Variants in DTWD2 observed in about 807,000 individuals in gnomAD.
The protein encoded by DTWD2 is tRNA-uridine aminocarboxypropyltransferase 2.
In DTWD2, 39 loss-of-function variants were observed where a neutral mutation model predicts 31.8. The observed-to-expected ratio is 1.22, with a 90% CI of 0.95 to 1.60. The LOEUF (loss-of-function observed/expected upper bound fraction) is 1.60. Ranked by LOEUF, DTWD2 falls within the 40% of genes most tolerant of loss-of-function variation. The probability of loss-of-function intolerance (pLI) is 0.00; values close to 1 mark genes in which losing one functional copy is unlikely to be tolerated. For synonymous variants in DTWD2, 180 were observed against 142.8 expected, an observed-to-expected ratio of 1.26 and a Z score of -1.86; for missense variants, 515 against 381.5, an observed-to-expected ratio of 1.35 and a Z score of -2.92.
intron 1 of DTWD2, chr5:118,974,056 G>A (rs1378024589): frequency 1.2e-6 from 2 of 1,606,444 alleles, no homozygotes; most frequent in Non-Finnish European, 1.7e-6. Flanking sequence ...CTACGGGCAA[G>A]CGGGCAGCTG....
chr5:118,840,266 G>GA lies in DTWD2; in HGVS notation c.*650dup, dbSNP rs1751679791. On this transcript the variant is annotated 3_prime_UTR_variant, in exon 6 of 6. Coordinates refer to ENST00000510708, the MANE Select transcript of DTWD2 (RefSeq NM_173666.4). ...TCAATAAGCCTGTTCAATGAACACTGAAAAATACAAATTTATCCAGAGTGA... is the reference window on the plus strand; with the variant it reads ...TCAATAAGCCTGTTCAATGAACACTGAAAAAATACAAATTTATCCAGAGTGA... 1 of 152,102 alleles carries GA rather than the reference G, an allele frequency of 6.6e-6. No homozygotes were observed. The highest frequency in any genetic ancestry group is 1.5e-5 in the Non-Finnish European group (1 of 68,000). The allele number at this position is 152,102 out of a possible 1,614,324, so 9.4% of individuals were successfully genotyped here.
At chr5:118,866,946 C>G (rs1204035554) in intron 4 of DTWD2, among the ~76,000 whole-genome samples, 1 of 151,296 alleles carries the variant, frequency 6.6e-6, no homozygotes, top group Non-Finnish European at 1.5e-5. Flanking sequence ...AAAAAATAAA[C>G]TACAAATTCA....
At chr5:118,857,728 T>C (rs1752170912) in intron 4 of DTWD2, among the ~76,000 whole-genome samples, 2 of 152,296 alleles carry the variant, frequency 1.3e-5, no homozygotes, top group East Asian at 1.9e-4. Context: ...AAACAGTAAC[T>C]AGCAGATACA....
intron 4 of DTWD2, among the ~76,000 whole-genome samples, chr5:118,872,269 C>A (rs1215452056): frequency 6.6e-6 from 1 of 152,232 alleles, no homozygotes; most frequent in South Asian, 2.1e-4. Flanking sequence ...TATGTGTTCA[C>A]TGGAGTAACA....
intron 4 of DTWD2, among the ~76,000 whole-genome samples, chr5:118,872,269 C>T (rs1215452056): frequency 6.6e-6 from 1 of 152,232 alleles, no homozygotes; most frequent in Non-Finnish European, 1.5e-5. Context: ...TATGTGTTCA[C>T]TGGAGTAACA....
intron 1 of DTWD2, among the ~76,000 whole-genome samples, chr5:118,976,153 A>G (rs187408476): frequency 6.6e-6 from 1 of 152,346 alleles, no homozygotes; most frequent in Admixed American, 6.5e-5. Flanking sequence ...GAGAACAAAG[A>G]CACAACGTAC....
At chr5:118,857,689 T>C (rs139699637) in intron 4 of DTWD2, among the ~76,000 whole-genome samples, 2 of 152,190 alleles carry the variant, frequency 1.3e-5, no homozygotes, top group Non-Finnish European at 2.9e-5. Context: ...TAAGGAATCT[T>C]AAACACCAAA....
intron 4 of DTWD2, among the ~76,000 whole-genome samples, chr5:118,918,518 C>T (rs1297464919): frequency 1.3e-5 from 2 of 151,590 alleles, no homozygotes; most frequent in African/African-American, 4.8e-5. Flanking sequence ...TTCACAAAAT[C>T]ATTGAGAGAA....
intron 2 of DTWD2, among the ~76,000 whole-genome samples, chr5:118,943,716 T>G (rs1327795991): frequency 2.0e-5 from 3 of 152,286 alleles, no homozygotes; most frequent in Admixed American, 2.0e-4. Context: ...CCAGCCTGGG[T>G]GACAGAGGGA....
At chr5:118,934,972 G>T (rs1231344885) in intron 3 of DTWD2, among the ~76,000 whole-genome samples, 6 of 152,078 alleles carry the variant, frequency 3.9e-5, no homozygotes, top group Non-Finnish European at 7.4e-5. Context: ...TCAAAGTGTT[G>T]TTTTTTTGTA....
intron 1 of DTWD2, among the ~76,000 whole-genome samples, chr5:118,978,734 G>A (rs185495600): frequency 6.6e-4 from 101 of 152,318 alleles, no homozygotes; most frequent in African/African-American, 2.0e-3. Flanking sequence ...GGCCAGGCAC[G>A]GTGGCTCACA....
intron 1 of DTWD2, among the ~76,000 whole-genome samples, chr5:118,987,796 T>G (rs1755461225): frequency 1.3e-5 from 2 of 152,232 alleles, no homozygotes; most frequent in East Asian, 1.9e-4. Context: ...GAAAACTGAT[T>G]TTATAAATTA....
intron 4 of DTWD2, among the ~76,000 whole-genome samples, chr5:118,859,158 A>C (rs1168057351): frequency 1.3e-5 from 2 of 151,610 alleles, no homozygotes; most frequent in Admixed American, 1.3e-4. Context: ...CATGACTATA[A>C]TTTTTCTAAG....
rs140919339 is a variant in DTWD2, at chr5:118,879,697, G to T, written c.598-31479C>A. Among the ~76,000 whole-genome samples, 213 of 150,784 alleles carry T rather than the reference G, an allele frequency of 1.4e-3. 3 individuals are homozygous for T. In the East Asian group the frequency reaches 0.034, roughly 24 times the overall value. ...AGGCCCTTATCCTTAGTAAACTAAC[G>T]CAGGATTAGAAAATCAAATACCACA... On this transcript the variant is annotated intron_variant, in intron 4 of 5. Transcript: ENST00000510708.
intron 4 of DTWD2, among the ~76,000 whole-genome samples, chr5:118,851,851 AAAG>A (rs1432560613): frequency 2.0e-5 from 3 of 151,954 alleles, no homozygotes; most frequent in African/African-American, 7.2e-5. Flanking sequence ...AAAAAAAAAA[AAAG>A]AAAAAAGAAA....
intron 1 of DTWD2, 143 bp downstream of exon 1, chr5:118,988,151 T>A (rs1755471322): frequency 2.0e-6 from 2 of 1,012,938 alleles, no homozygotes; most frequent in African/African-American, 3.2e-5. Context: ...GCCTGGCATT[T>A]CCGAGATTTC....
chr5:118,865,682 C>A (rs931433607), intron 4 of DTWD2, among the ~76,000 whole-genome samples: 17 of 152,124 alleles, frequency 1.1e-4, no homozygotes, highest in African/African-American at 4.1e-4. Context: ...TTTTGCCTTA[C>A]TTTAGCCTCA....
At chr5:118,986,022 G>A (rs772369364) in intron 1 of DTWD2, among the ~76,000 whole-genome samples, 15 of 152,144 alleles carry the variant, frequency 9.9e-5, no homozygotes, top group Admixed American at 2.0e-4. Flanking sequence ...CTATCACACC[G>A]TCTGGAAGAA....
intron 1 of DTWD2, among the ~76,000 whole-genome samples, chr5:118,986,610 C>G (rs1274939068): frequency 6.6e-6 from 1 of 151,874 alleles, no homozygotes; most frequent in Non-Finnish European, 1.5e-5. Context: ...AGAAGTTCAC[C>G]CAGGGTACTA....
Sources: allele counts gnomAD v4.1 joint callset (sites outside exome capture counted in the v4.1 genomes callset), GRCh38; gene constraint gnomAD v4.1.1; transcripts MANE v1.5; gene names NCBI Gene and HGNC (gene_info 2026-07-23, HGNC 2026-07-21).